Variants in ANO3 observed in about 807,000 individuals in gnomAD.
The protein encoded by ANO3 is anoctamin 3.
A neutral mutation model predicts 144.8 loss-of-function variants in ANO3; 99 were observed. The observed-to-expected ratio is 0.68, with a 90% CI of 0.58 to 0.81. ANO3 has a LOEUF of 0.81. Ranked by LOEUF, ANO3 falls within the 30% of genes least tolerant of loss-of-function variation. The pLI is 0.00. For synonymous variants in ANO3, 414 were observed against 392.6 expected (o/e 1.05, Z -0.64); for missense variants, 905 against 1,202.2 (o/e 0.75, Z 3.66).
At chr11:26,501,413 T>A (rs1861188982) in intron 4 of ANO3, among the ~76,000 whole-genome samples, 1 of 152,158 alleles carries the variant, frequency 6.6e-6, no homozygotes, top group Non-Finnish European at 1.5e-5. Flanking sequence ...ACATTGGTTC[T>A]GAATACAAAA....
intron 24 of ANO3, among the ~76,000 whole-genome samples, chr11:26,651,739 C>T (rs1008408546): frequency 6.6e-6 from 1 of 151,964 alleles, no homozygotes; most frequent in Admixed American, 6.6e-5. Flanking sequence ...TTCTTCAGAT[C>T]CTCAATAATT....
chr11:26,251,135 T>C (rs1852918912), intron 1 of ANO3, among the ~76,000 whole-genome samples: 1 of 152,216 alleles, frequency 6.6e-6, no homozygotes, highest in Admixed American at 6.5e-5. Context: ...CATTGCAAAG[T>C]TGAAAAATTG....
At chr11:26,348,924 T>C (rs1248234226) in intron 1 of ANO3, among the ~76,000 whole-genome samples, 3 of 152,158 alleles carry the variant, frequency 2.0e-5, no homozygotes, top group Non-Finnish European at 2.9e-5. Flanking sequence ...GATGAGGAAA[T>C]GGTTTTTTGG....
intron 1 of ANO3, among the ~76,000 whole-genome samples, chr11:26,259,654 C>T (rs374530142): frequency 8.0e-4 from 121 of 150,472 alleles, no homozygotes; most frequent in African/African-American, 2.8e-3. Context: ...GTCAACAGAG[C>T]GAGACTCCAT....
chr11:26,356,171 A>G (rs1205921374), intron 1 of ANO3, among the ~76,000 whole-genome samples: 2 of 152,212 alleles, frequency 1.3e-5, no homozygotes, highest in Non-Finnish European at 2.9e-5. Context: ...AAATAAATAT[A>G]TATGTATCTA....
At chr11:26,290,008 T>C (rs1322994807) in intron 1 of ANO3, among the ~76,000 whole-genome samples, 2 of 152,104 alleles carry the variant, frequency 1.3e-5, no homozygotes, top group African/African-American at 4.8e-5. Context: ...TTTGTACCTC[T>C]GGTAGAATTC....
At chr11:26,468,314 G>T (rs1859670928) in intron 4 of ANO3, among the ~76,000 whole-genome samples, 2 of 151,940 alleles carry the variant, frequency 1.3e-5, no homozygotes, top group Admixed American at 6.6e-5. Flanking sequence ...TACAGATATT[G>T]CCATTAATGA....
At chr11:26,611,854 A>T (rs765613905) in intron 17 of ANO3, among the ~76,000 whole-genome samples, 1 of 119,378 alleles carries the variant, frequency 8.4e-6, no homozygotes, top group South Asian at 3.2e-4. Flanking sequence ...CTTTATCATT[A>T]TATAATTTTT....
At position 26,470,249 on chromosome 11, in the gene ANO3, A is replaced by G. The variant is rs192020626; in HGVS notation, c.432+7101A>G. 8.8e-3 allele frequency among the ~76,000 whole-genome samples: 1,335 copies of G among 151,788 alleles called. 10 individuals carry two copies. Among genetic ancestry groups the G allele is most frequent in the South Asian group, 0.02 (97 of 4,812 alleles). ...ACACAGTGAAACCCTGTTTCTACAGAAAAAATACAAAAATGATCCGGGTAT... is the reference window on the plus strand; with the variant it reads ...ACACAGTGAAACCCTGTTTCTACAGGAAAAATACAAAAATGATCCGGGTAT... On this transcript the variant is annotated intron_variant, in intron 4 of 26. Transcript: ENST00000256737.
chr11:26,319,847 T>A (rs1854717076), intron 1 of ANO3, among the ~76,000 whole-genome samples: 1 of 151,216 alleles, frequency 6.6e-6, no homozygotes, highest in Non-Finnish European at 1.5e-5. Flanking sequence ...TATTTCTTTC[T>A]ATTTTATTTT....
chr11:26,292,772 T>C (rs1276164478), intron 1 of ANO3, among the ~76,000 whole-genome samples: 1 of 152,188 alleles, frequency 6.6e-6, no homozygotes, highest in Non-Finnish European at 1.5e-5. Flanking sequence ...ACAGCAAAGG[T>C]TGCTGCCTGA....
At chr11:26,307,179 C>A (rs1854402955), upstream of ANO3, among the ~76,000 whole-genome samples, 2 of 150,096 alleles carry the variant, frequency 1.3e-5, no homozygotes, top group African/African-American at 4.9e-5. Flanking sequence ...CATAGTAAAA[C>A]CCCGCCTCTA....
intron 1 of ANO3, among the ~76,000 whole-genome samples, chr11:26,375,928 G>A (rs892740640): frequency 6.6e-6 from 1 of 152,180 alleles, no homozygotes; most frequent in Non-Finnish European, 1.5e-5. Flanking sequence ...TTTACTCTGT[G>A]AGGATGACAG....
At chr11:26,498,234 G>A (rs888918538) in intron 4 of ANO3, among the ~76,000 whole-genome samples, 1 of 151,872 alleles carries the variant, frequency 6.6e-6, no homozygotes, top group East Asian at 1.9e-4. Context: ...GTATTGTTTA[G>A]GGATTATGAT....
At chr11:26,337,445 A>G (rs1292238897) in intron 1 of ANO3, among the ~76,000 whole-genome samples, 1 of 152,208 alleles carries the variant, frequency 6.6e-6, no homozygotes, top group African/African-American at 2.4e-5. Flanking sequence ...AAAATAGCAC[A>G]TTCCTTGATG....
At chr11:26,605,934 CCTT>C (rs1851923392) in intron 17 of ANO3, among the ~76,000 whole-genome samples, 2 of 151,554 alleles carry the variant, frequency 1.3e-5, no homozygotes, top group African/African-American at 2.4e-5. Context: ...GTCTCTACCT[CCTT>C]CTGTTCTGCT....
chr11:26,419,796 T>A (rs1347227155), intron 1 of ANO3, among the ~76,000 whole-genome samples: 1 of 152,096 alleles, frequency 6.6e-6, no homozygotes, highest in African/African-American at 2.4e-5. Context: ...TTGAATGGGA[T>A]GTTTTTATGG....
At chr11:26,285,060 G>A (rs991566396) in intron 1 of ANO3, among the ~76,000 whole-genome samples, 10 of 152,224 alleles carry the variant, frequency 6.6e-5, no homozygotes, top group Admixed American at 5.2e-4. Flanking sequence ...TTTCCACTAG[G>A]GGGAGCTACC....
chr11:26,454,680 C>A (rs546518974), intron 3 of ANO3, among the ~76,000 whole-genome samples: 1 of 151,980 alleles, frequency 6.6e-6, no homozygotes, highest in South Asian at 2.1e-4. Flanking sequence ...CCTTCTGAAA[C>A]TATTCCAATC....
Sources: allele counts gnomAD v4.1 joint callset (sites outside exome capture counted in the v4.1 genomes callset), GRCh38; gene constraint gnomAD v4.1.1; transcripts MANE v1.5; gene names NCBI Gene and HGNC (gene_info 2026-07-23, HGNC 2026-07-21).